The following DPYD variants were observed in gnomAD, a reference collection of about 807,000 sequenced individuals.
The protein encoded by DPYD is dihydropyrimidine dehydrogenase [NADP(+)].
In DPYD, 109 loss-of-function variants were observed where a neutral mutation model predicts 116.2. The ratio of observed to expected loss-of-function variants is 0.94; its 90% CI spans 0.80 to 1.10. The LOEUF (loss-of-function observed/expected upper bound fraction) is 1.10, where lower values mean the gene tolerates loss of function less well. DPYD is among the 50% of genes least tolerant of loss of function. DPYD has a pLI of 0.00. For synonymous variants in DPYD, 440 were observed against 432.0 expected (o/e 1.02, Z -0.23); for missense variants, 1,302 against 1,254.5 (o/e 1.04, Z -0.57).
chr1:97,135,535 T>A (rs960991320), intron 20 of DPYD, among the ~76,000 whole-genome samples: 1 of 152,244 alleles, frequency 6.6e-6, no homozygotes, highest in African/African-American at 2.4e-5. Flanking sequence ...GTGTCTTAAA[T>A]TTTAAAAATT....
At chr1:97,241,103 G>A (rs1485626133) in intron 18 of DPYD, among the ~76,000 whole-genome samples, 4 of 151,934 alleles carry the variant, frequency 2.6e-5, no homozygotes, top group Non-Finnish European at 5.9e-5. Flanking sequence ...AATTTTTTAT[G>A]TTTTCTCCAA....
chr1:97,407,618 CTT>C (rs1193432785), intron 14 of DPYD, among the ~76,000 whole-genome samples: 1 of 152,100 alleles, frequency 6.6e-6, no homozygotes, highest in Non-Finnish European at 1.5e-5. Context: ...GGTGACAAAG[CTT>C]TACAGGGCTG....
At chr1:97,753,635 A>AT (rs1305183269) in intron 3 of DPYD, among the ~76,000 whole-genome samples, 2 of 152,264 alleles carry the variant, frequency 1.3e-5, no homozygotes, top group East Asian at 1.9e-4. Context: ...AAAATTCCTC[A>AT]TTTATTTACT....
chr1:97,168,192 T>C (rs1489901422), intron 20 of DPYD, among the ~76,000 whole-genome samples: 5 of 152,214 alleles, frequency 3.3e-5, no homozygotes, highest in African/African-American at 1.2e-4. Flanking sequence ...ATTATGAGGC[T>C]TTCTAGCTCT....
chr1:97,474,394 A>G (rs1035608211), intron 13 of DPYD, among the ~76,000 whole-genome samples: 1 of 152,126 alleles, frequency 6.6e-6, no homozygotes, highest in Admixed American at 6.5e-5. Flanking sequence ...TTAGATACAG[A>G]TCAGGTGTTC....
chr1:97,728,577 G>A (rs1294402334), intron 4 of DPYD, among the ~76,000 whole-genome samples: 2 of 151,910 alleles, frequency 1.3e-5, no homozygotes, highest in Non-Finnish European at 2.9e-5. Flanking sequence ...TTATTTTAAA[G>A]TGTTCTTCCT....
At chr1:97,807,867 T>C (rs1668149091) in intron 3 of DPYD, among the ~76,000 whole-genome samples, 1 of 152,098 alleles carries the variant, frequency 6.6e-6, no homozygotes, top group Non-Finnish European at 1.5e-5. Context: ...CATGTGTATG[T>C]CCAGTGGTTC....
intron 13 of DPYD, among the ~76,000 whole-genome samples, chr1:97,475,100 A>C (rs960151597): frequency 8.5e-5 from 13 of 152,170 alleles, no homozygotes; most frequent in Non-Finnish European, 1.5e-4. Flanking sequence ...AGACCAATGG[A>C]GCAAAACAGC....
At chr1:97,639,998 C>T (rs1473428368) in intron 8 of DPYD, among the ~76,000 whole-genome samples, 1 of 152,024 alleles carries the variant, frequency 6.6e-6, no homozygotes, top group East Asian at 1.9e-4. Flanking sequence ...GGTGTTTTTG[C>T]CATATCACAA....
chr1:97,515,111 T>A (rs1648120915), intron 13 of DPYD, among the ~76,000 whole-genome samples: 1 of 151,930 alleles, frequency 6.6e-6, no homozygotes, highest in African/African-American at 2.4e-5. Flanking sequence ...TCCTCTTGTA[T>A]AAAGCATCTT....
chr1:97,193,638 G>A (rs1658544353), intron 19 of DPYD, among the ~76,000 whole-genome samples: 2 of 152,148 alleles, frequency 1.3e-5, no homozygotes, highest in Non-Finnish European at 2.9e-5. Flanking sequence ...CCTGCAGGCA[G>A]TTCTCACGTC....
At chr1:97,464,835 C>T (rs1355626974) in intron 13 of DPYD, among the ~76,000 whole-genome samples, 2 of 152,090 alleles carry the variant, frequency 1.3e-5, no homozygotes, top group African/African-American at 2.4e-5. Context: ...GACATCAGTG[C>T]CCTAGAGTCC....
chr1:97,180,331 C>T (rs551984515), intron 20 of DPYD, among the ~76,000 whole-genome samples: 1 of 152,058 alleles, frequency 6.6e-6, no homozygotes, highest in Non-Finnish European at 1.5e-5. Flanking sequence ...TTCAAGTGAG[C>T]AGATGGGCTT....
chr1:97,736,350 T>TA (rs887740738), intron 4 of DPYD, among the ~76,000 whole-genome samples: 4 of 148,878 alleles, frequency 2.7e-5, no homozygotes, highest in Admixed American at 6.7e-5. Context: ...TTTTCAAAAG[T>TA]AAAAAAAATG....
intron 20 of DPYD, among the ~76,000 whole-genome samples, chr1:97,159,150 A>G (rs1369886157): frequency 2.0e-5 from 3 of 152,156 alleles, no homozygotes; most frequent in Admixed American, 2.0e-4. Flanking sequence ...ATTTTAAGTC[A>G]GTTATTATAA....
intron 19 of DPYD, among the ~76,000 whole-genome samples, chr1:97,219,923 C>T (rs552026067): frequency 7.2e-5 from 11 of 152,274 alleles, no homozygotes; most frequent in African/African-American, 2.2e-4. Flanking sequence ...CACCTCTGTT[C>T]AGTATGTCTT....
chr1:97,318,251 G>T (rs1667989888), intron 16 of DPYD, among the ~76,000 whole-genome samples: 1 of 137,440 alleles, frequency 7.3e-6, no homozygotes, highest in Non-Finnish European at 1.6e-5. Context: ...AAATATAAAT[G>T]GACTAAATTC....
chr1:97,159,845 A>T (rs1046386153), intron 20 of DPYD, among the ~76,000 whole-genome samples: 1 of 152,100 alleles, frequency 6.6e-6, no homozygotes, highest in Non-Finnish European at 1.5e-5. Context: ...ATTAAATAAC[A>T]AAACAGACAT....
At chr1:97,872,078 G>A (rs980520431) in intron 2 of DPYD, among the ~76,000 whole-genome samples, 4 of 151,728 alleles carry the variant, frequency 2.6e-5, no homozygotes, top group African/African-American at 9.7e-5. Context: ...CCAATAATTG[G>A]AGCTAAGCAG....
Sources: allele counts gnomAD v4.1 joint callset (sites outside exome capture counted in the v4.1 genomes callset), GRCh38; gene constraint gnomAD v4.1.1; transcripts MANE v1.5; gene names NCBI Gene and HGNC (gene_info 2026-07-23, HGNC 2026-07-21).